COX18: variants seen among roughly 807,000 people sequenced by gnomAD.
The protein encoded by COX18 is cytochrome c oxidase assembly factor COX18, also known as cytochrome c oxidase assembly protein COX18, mitochondrial.
A neutral mutation model predicts 38.0 loss-of-function variants in COX18; 45 were observed. That is an observed-to-expected ratio of 1.18 (90% confidence interval 0.93 to 1.52). COX18 has a LOEUF of 1.52. Ranked by LOEUF, COX18 falls within the 40% of genes most tolerant of loss-of-function variation. COX18 has a pLI of 0.00. For missense variants in COX18, 462 were observed against 423.8 expected (o/e 1.09, Z -0.79); for synonymous variants, 177 against 169.8 (o/e 1.04, Z -0.33).
intron 5 of COX18, among the ~76,000 whole-genome samples, chr4:73,060,108 C>G (rs532480152): frequency 3.3e-5 from 5 of 152,314 alleles, no homozygotes; most frequent in African/African-American, 1.2e-4. Flanking sequence ...AAATCACAGG[C>G]TGTGGATAAC....
chr4:73,064,083 G>A (rs971078652), intron 4 of COX18, among the ~76,000 whole-genome samples: 4 of 151,976 alleles, frequency 2.6e-5, no homozygotes, highest in South Asian at 2.1e-4. Context: ...TCAGGAGTTC[G>A]AGACCAGCCT....
At chr4:73,063,069 C>G (rs1474316629) in intron 4 of COX18, among the ~76,000 whole-genome samples, 2 of 152,146 alleles carry the variant, frequency 1.3e-5, no homozygotes, top group Non-Finnish European at 2.9e-5. Context: ...CTTTGGGAGG[C>G]TGAGGCGGGC....
intron 4 of COX18, 82 bp from the exon 5 acceptor site, chr4:73,062,002 T>TCG: frequency 1.7e-6 from 1 of 593,478 alleles, no homozygotes; most frequent in Non-Finnish European, 2.9e-6. Context: ...TAAACTGATT[T>TCG]TTCACTGGCC....
chr4:73,065,367 C>T lies in COX18; in HGVS notation c.481G>A (p.Val161Met). 1 of 1,613,680 alleles carries T rather than the reference C, an allele frequency of 6.2e-7. No individual in the cohort carries two copies. Among genetic ancestry groups the T allele is most frequent in the Non-Finnish European group, 8.5e-7 (1 of 1,179,804 alleles). ...NMRRLISELY[V>M]RDNCHPFKAT... The stretch of plus-strand genomic sequence containing the variant: ...TTGAAAGGGTGGCAGTTATCTCGCA[C>T]ATATAGCTCTGAAATTAGCCTCCTC... Residue 161 changes from valine to methionine, a missense_variant, in exon 3 of 6, where the codon GTG becomes ATG. Val to Met is a conservative substitution (Grantham distance 21, BLOSUM62 1). Transcript: ENST00000507544.
At chr4:73,058,844 C>A (rs1448836966) in intron 5 of COX18, among the ~76,000 whole-genome samples, 1 of 152,172 alleles carries the variant, frequency 6.6e-6, no homozygotes, top group Non-Finnish European at 1.5e-5. Context: ...TGGTCCCCAA[C>A]ATTTTTGACA....
chr4:73,064,653 C>T, intron 4 of COX18, 125 bp downstream of exon 4: 3 of 1,113,790 alleles, frequency 2.7e-6, no homozygotes, highest in Non-Finnish European at 3.9e-6. Context: ...GAACCAGGAA[C>T]CAAGGGATCT....
At chr4:73,063,937 T>C (rs557640828) in intron 4 of COX18, among the ~76,000 whole-genome samples, 1 of 152,358 alleles carries the variant, frequency 6.6e-6, no homozygotes, top group East Asian at 1.9e-4. Flanking sequence ...TATGAAATTA[T>C]ATGCACGCTT....
chr4:73,069,616 G>A lies in COX18; in HGVS notation c.34C>T (p.Pro12Ser), dbSNP rs773122175. The part of the protein sequence containing the change: ...LCRLGGRWLR[P>S]LPALQLWARD... Reference sequence around the variant, plus strand: ...GCCCAAAGCTGCAGGGCAGGGAGCGGCCGCAGCCACCGACCGCCGAGCCGG... The same window carrying A: ...GCCCAAAGCTGCAGGGCAGGGAGCGACCGCAGCCACCGACCGCCGAGCCGG... The change falls in exon 1 of 6, where the codon CCG becomes TCG. Residue 12 changes from proline to serine, a missense_variant. By Grantham distance (74) the Pro-to-Ser change is moderately conservative. Coordinates refer to ENST00000507544, the MANE Select transcript of COX18 (RefSeq NM_001297732.2). 3.4e-5 allele frequency: 53 copies of A among 1,552,082 alleles called. 1 individual carries two copies. The Admixed American group carries it at 1.0e-3, about 29-fold the overall frequency.
rs1379694886 is a variant in COX18 at position 73,057,897 on chromosome 4, C to G, written c.*217G>C. ...ATGTTGGCCAGGCTGGTCTCAAACT[C>G]CAGACCTCAGGTGATCCACCCACCT... On this transcript the variant is annotated 3_prime_UTR_variant, in exon 6 of 6. Transcript: ENST00000507544. 1.1e-5 allele frequency: 3 copies of G among 266,934 alleles called. No individual in the cohort carries two copies. The highest frequency in any genetic ancestry group is 2.2e-5 in the Non-Finnish European group (3 of 136,456). The allele number at this position is 266,934 out of a possible 1,614,324, so 16.5% of individuals were successfully genotyped here. A position where few individuals can be genotyped will look rare whatever the true frequency, so the allele number is the denominator to read the frequency against.
Position 73,067,676 on chromosome 4 carries a change from AC to A in COX18, c.434+352del, listed in dbSNP as rs1720515455. ...ACCAACATGGAGAAACCCCATCTCT[AC>A]TAAAAATACAAAATTAGCCAGGCAT... On this transcript the variant is annotated intron_variant, in intron 2 of 5. Coordinates refer to ENST00000507544, the MANE Select transcript of COX18 (RefSeq NM_001297732.2). 2.7e-5 allele frequency among the ~76,000 whole-genome samples: 4 copies of A among 150,812 alleles called. No individual in the cohort carries two copies. The South Asian group carries it at 8.4e-4, about 32-fold the overall frequency.
In COX18 at chr4:73,056,286, T is replaced by C. The variant is rs1203314729; in HGVS notation, c.*1828A>G. 2 of 152,202 alleles carry C rather than the reference T, an allele frequency of 1.3e-5. No homozygotes were observed. The allele number at this position is 152,202 out of a possible 1,614,324, so 9.4% of individuals were successfully genotyped here. A position where few individuals can be genotyped will look rare whatever the true frequency, so the allele number is the denominator to read the frequency against. On this transcript the variant is annotated 3_prime_UTR_variant, in exon 6 of 6. Coordinates refer to ENST00000507544, the MANE Select transcript of COX18 (RefSeq NM_001297732.2). ...AACTGGATCCACAATTTATAATACC[T>C]GTCAATTTTTTCTGTATTAAACCTC...
chr4:73,069,150 T>C (rs1720620582), intron 1 of COX18, among the ~76,000 whole-genome samples, 167 bp downstream of exon 1: 1 of 152,182 alleles, frequency 6.6e-6, no homozygotes, highest in South Asian at 2.1e-4. Flanking sequence ...TAATGCTAGT[T>C]CAATTTTTTT....
At chr4:73,061,679 G>C in intron 5 of COX18, 134 bp downstream of exon 5, 1 of 586,594 alleles carries the variant, frequency 1.7e-6, no homozygotes, top group South Asian at 1.8e-5. Flanking sequence ...CTGCACTCCA[G>C]CCTGGGTGAC....
chr4:73,056,080 T>G lies in COX18; in HGVS notation c.*2034A>C, dbSNP rs1052319953. ...AGACATCAATCAAAGAAATGACTAA[T>G]GAATTTCACTTTAGTTTTTATTTTA... is the stretch of plus-strand genomic sequence containing the variant. On this transcript the variant is annotated 3_prime_UTR_variant, in exon 6 of 6. Coordinates refer to ENST00000507544, the MANE Select transcript of COX18 (RefSeq NM_001297732.2). 2.6e-5 allele frequency: 4 copies of G among 152,240 alleles called. No homozygotes were observed. The highest frequency in any genetic ancestry group is 9.6e-5 in the African/African-American group (4 of 41,468). The allele number at this position is 152,240 out of a possible 1,614,324, so 9.4% of individuals were successfully genotyped here. A position where few individuals can be genotyped will look rare whatever the true frequency, so the allele number is the denominator to read the frequency against.
chr4:73,067,067 G>C (rs1004796095), intron 2 of COX18, among the ~76,000 whole-genome samples: 1 of 152,166 alleles, frequency 6.6e-6, no homozygotes, highest in African/African-American at 2.4e-5. Context: ...CCCAGTGAAT[G>C]AATGCAGACA....
chr4:73,059,933 T>G (rs1720067716), intron 5 of COX18, among the ~76,000 whole-genome samples: 1 of 152,204 alleles, frequency 6.6e-6, no homozygotes, highest in Non-Finnish European at 1.5e-5. Flanking sequence ...TATATTTCCT[T>G]GCCTCTTCTG....
At position 73,066,466 on chromosome 4, in the gene COX18, T is replaced by C. The variant is rs768441840; in HGVS notation, c.435-1053A>G. On this transcript the variant is annotated intron_variant, in intron 2 of 5. Coordinates refer to ENST00000507544, the MANE Select transcript of COX18 (RefSeq NM_001297732.2). ...TACTTGGGAGGCCAAAGTGGGAGGATTGCTTGAGGCCAGGAGTTTGAGATC... is the reference window on the plus strand; with the variant it reads ...TACTTGGGAGGCCAAAGTGGGAGGACTGCTTGAGGCCAGGAGTTTGAGATC... Among the ~76,000 whole-genome samples the C allele has an allele frequency of 6.6e-5, 10 of 152,262 alleles. No individual in the cohort carries two copies. The South Asian group carries it at 1.2e-3, about 19-fold the overall frequency.
Position 73,069,538 on chromosome 4 carries a change from G to C in COX18, c.112C>G (p.Leu38Val). 6.3e-7 allele frequency: 1 copy of C among 1,578,222 alleles called. No individual in the cohort carries two copies. The highest frequency in any genetic ancestry group is 1.7e-4 in the Middle Eastern group (1 of 6,016). The change falls in exon 1 of 6, where the codon CTC becomes GTC. Residue 38 changes from leucine (L) to valine (V), a missense_variant. Transcript: ENST00000507544. ...ACTGGTGCCACTGCCCACACTGGGA[G>C]AGTGGGGCGCTTGGCGCCGCTCGTA... Reference protein sequence around the residue: ...VPTSGAKRPTLPVWAVAPVSA... With the variant: ...VPTSGAKRPTVPVWAVAPVSA...
rs1271061693 is a variant in COX18, at chr4:73,068,010, G to A, written c.434+19C>T. On this transcript the variant is annotated intron_variant, in intron 2 of 5. Coordinates refer to ENST00000507544, the MANE Select transcript of COX18 (RefSeq NM_001297732.2). ...TGTGTATGTGTGCGTATGGTCTTACGTGGATATAATTAGCTTACCTGGCAT... is the reference window on the plus strand; with the variant it reads ...TGTGTATGTGTGCGTATGGTCTTACATGGATATAATTAGCTTACCTGGCAT... 3 of 1,490,144 alleles carry A rather than the reference G, an allele frequency of 2.0e-6. No homozygotes were observed. The highest frequency in any genetic ancestry group is 1.1e-5 in the South Asian group (1 of 88,528). 92.3% of individuals were successfully genotyped at this position (1,490,144 alleles called of 1,614,324 possible).
Sources: allele counts gnomAD v4.1 joint callset (sites outside exome capture counted in the v4.1 genomes callset), GRCh38; gene constraint gnomAD v4.1.1; transcripts MANE v1.5; gene names NCBI Gene and HGNC (gene_info 2026-07-23, HGNC 2026-07-21).